The following KHDRBS2 variants were observed in gnomAD, a reference collection of about 807,000 sequenced individuals.
KHDRBS2 encodes the protein KH domain-containing, RNA-binding, signal transduction-associated protein 2.
In KHDRBS2, 26 loss-of-function variants were observed where a neutral mutation model predicts 44.3. The observed-to-expected ratio is 0.59, with a 90% CI of 0.43 to 0.81. The LOEUF is 0.81. KHDRBS2 is among the 40% of genes least tolerant of loss of function. The pLI is 0.00. For synonymous variants in KHDRBS2, 194 were observed against 151.1 expected (o/e 1.28, Z -2.08); for missense variants, 476 against 433.1 (o/e 1.10, Z -0.88).
chr6:61,757,962 G>A (rs1422851705), intron 6 of KHDRBS2, among the ~76,000 whole-genome samples: 2 of 152,112 alleles, frequency 1.3e-5, no homozygotes, highest in Admixed American at 6.6e-5. Context: ...CCCGAACTCA[G>A]TTATTTATTC....
At chr6:62,178,639 A>G (rs1420546609) in intron 1 of KHDRBS2, among the ~76,000 whole-genome samples, 2 of 151,612 alleles carry the variant, frequency 1.3e-5, no homozygotes, top group African/African-American at 4.8e-5. Flanking sequence ...TTACAACTAC[A>G]GTCATCTCAT....
At chr6:62,060,320 GA>G (rs1293890982) in intron 2 of KHDRBS2, among the ~76,000 whole-genome samples, 1 of 151,700 alleles carries the variant, frequency 6.6e-6, no homozygotes, top group African/African-American at 2.4e-5. Flanking sequence ...GCTGTGGTAT[GA>G]TTAACATTTA....
intron 6 of KHDRBS2, among the ~76,000 whole-genome samples, chr6:61,888,845 G>A (rs1197330716): frequency 1.3e-5 from 2 of 151,978 alleles, no homozygotes; most frequent in African/African-American, 4.8e-5. Context: ...GCAGGCATGA[G>A]CCACCGGGCC....
At chr6:62,133,396 C>T (rs1445959865) in intron 2 of KHDRBS2, among the ~76,000 whole-genome samples, 1 of 152,174 alleles carries the variant, frequency 6.6e-6, no homozygotes. Flanking sequence ...TGCCTGCTGT[C>T]ATGTAAAATG....
intron 6 of KHDRBS2, among the ~76,000 whole-genome samples, chr6:61,828,421 G>A (rs1420014512): frequency 6.6e-6 from 1 of 152,174 alleles, no homozygotes; most frequent in African/African-American, 2.4e-5. Context: ...GAGAGCTACA[G>A]GTTACAGGTG....
the KHDRBS2 span, among the ~76,000 whole-genome samples, chr6:61,652,514 A>G: frequency 6.6e-6 from 1 of 152,074 alleles, no homozygotes; most frequent in African/African-American, 2.4e-5. Flanking sequence ...ATGTGTATAT[A>G]GTTACAAATT....
intron 7 of KHDRBS2, among the ~76,000 whole-genome samples, chr6:61,710,742 G>C (rs1249141698): frequency 6.8e-6 from 1 of 147,422 alleles, no homozygotes; most frequent in Non-Finnish European, 1.5e-5. Flanking sequence ...CACTTGTCTT[G>C]TGTAAGACTC....
At chr6:61,621,147 A>C in the KHDRBS2 span, among the ~76,000 whole-genome samples, 1 of 152,206 alleles carries the variant, frequency 6.6e-6, no homozygotes, top group African/African-American at 2.4e-5. Flanking sequence ...CCTGAGTAGA[A>C]TGTAGGGTAC....
chr6:62,197,499 G>A (rs371121465), intron 1 of KHDRBS2, among the ~76,000 whole-genome samples: 36 of 152,016 alleles, frequency 2.4e-4, no homozygotes, highest in African/African-American at 7.0e-4. Flanking sequence ...GGAGTTTACC[G>A]TTCTTATAAG....
intron 2 of KHDRBS2, among the ~76,000 whole-genome samples, chr6:62,095,550 T>C (rs1800403217): frequency 6.6e-6 from 1 of 151,886 alleles, no homozygotes; most frequent in African/African-American, 2.4e-5. Flanking sequence ...ACTAAGTTTA[T>C]GTAAGTATTC....
chr6:62,106,443 T>C (rs562855360), intron 2 of KHDRBS2, among the ~76,000 whole-genome samples: 2 of 152,224 alleles, frequency 1.3e-5, no homozygotes, highest in African/African-American at 4.8e-5. Flanking sequence ...TCAGGACTTC[T>C]GTTATGAATC....
chr6:61,686,148 T>C (rs1223443877), intron 8 of KHDRBS2, among the ~76,000 whole-genome samples: 1 of 151,682 alleles, frequency 6.6e-6, no homozygotes, highest in Non-Finnish European at 1.5e-5. Context: ...ATATCTGAAA[T>C]ATGGAAAAGA....
At chr6:62,130,552 T>C (rs1006775754) in intron 2 of KHDRBS2, among the ~76,000 whole-genome samples, 5 of 150,184 alleles carry the variant, frequency 3.3e-5, no homozygotes, top group Non-Finnish European at 5.9e-5. Flanking sequence ...GAAACTTTTA[T>C]TAACATAATT....
intron 2 of KHDRBS2, among the ~76,000 whole-genome samples, chr6:62,061,629 G>C (rs1165001697): frequency 6.6e-6 from 1 of 150,664 alleles, no homozygotes; most frequent in Non-Finnish European, 1.5e-5. Flanking sequence ...TTTCAACTTT[G>C]GTGAATCTGA....
At chr6:62,050,908 G>A (rs1314123521) in intron 2 of KHDRBS2, among the ~76,000 whole-genome samples, 2 of 152,022 alleles carry the variant, frequency 1.3e-5, no homozygotes, top group Admixed American at 6.6e-5. Context: ...CATCCTAGAA[G>A]TACGGACAAA....
chr6:62,280,495 T>A (rs930452704), intron 1 of KHDRBS2, among the ~76,000 whole-genome samples: 1 of 152,000 alleles, frequency 6.6e-6, no homozygotes, highest in African/African-American at 2.4e-5. Context: ...TCAGAAAAAA[T>A]TTACTCAATT....
intron 6 of KHDRBS2, among the ~76,000 whole-genome samples, chr6:61,883,950 A>G (rs1305581160): frequency 1.3e-5 from 2 of 152,076 alleles, no homozygotes; most frequent in Non-Finnish European, 2.9e-5. Flanking sequence ...GCTCTTGGCT[A>G]TTACACAAAA....
rs149758348 is a variant in KHDRBS2 at position 61,681,036 on chromosome 6, C to T, written c.977G>A (p.Arg326His). The T allele has an allele frequency of 7.9e-5, 128 of 1,611,334 alleles. No homozygotes were observed. The African/African-American group carries it at 1.4e-3, about 18-fold the overall frequency. The change falls in exon 9 of 9, where the codon CGC becomes CAC. Residue 326 changes from arginine to histidine, a missense_variant. By Grantham distance (29) the Arg-to-His change is conservative. Coordinates refer to ENST00000281156, the MANE Select transcript of KHDRBS2 (RefSeq NM_152688.4). ...SYAPEEWATTRSSLKAPPQRS... is the reference protein window; with the variant it reads ...SYAPEEWATTHSSLKAPPQRS... ...TTGCGGTGGTGCCTTCAAGCTAGAG[C>T]GGGTTGTGGCCCATTCTTCTGGTGC...
At chr6:62,080,129 ATAAAG>A (rs1277186331) in intron 2 of KHDRBS2, among the ~76,000 whole-genome samples, 1 of 152,110 alleles carries the variant, frequency 6.6e-6, no homozygotes, top group Non-Finnish European at 1.5e-5. Context: ...TCTCAATTAC[ATAAAG>A]TAATTTATTC....
Sources: allele counts gnomAD v4.1 joint callset (sites outside exome capture counted in the v4.1 genomes callset), GRCh38; gene constraint gnomAD v4.1.1; transcripts MANE v1.5; gene names NCBI Gene and HGNC (gene_info 2026-07-23, HGNC 2026-07-21).